The following RANBP2 variants were observed in gnomAD, a reference collection of about 807,000 sequenced individuals.
The protein encoded by RANBP2 is RAN binding protein 2.
Under a neutral mutation model 303.6 loss-of-function variants are expected in RANBP2, and 57 were observed. That is an observed-to-expected ratio of 0.19 (90% CI 0.15 to 0.23). The LOEUF is 0.23. Among genes scored for constraint, RANBP2 ranks in the 10% least tolerant of loss-of-function variants. RANBP2 has a pLI of 1.00. For synonymous variants in RANBP2, 1,167 were observed against 1,301.5 expected (o/e 0.90, Z 2.23); for missense variants, 3,138 against 3,780.8 (o/e 0.83, Z 4.46).
At chr2:109,483,935 C>T in the RANBP2 span, among the ~76,000 whole-genome samples, 1 of 152,130 alleles carries the variant, frequency 6.6e-6, no homozygotes, top group Non-Finnish European at 1.5e-5. Flanking sequence ...GCCTTCAAGC[C>T]CCCCACAACC....
At chr2:108,828,787 G>A in the RANBP2 span, among the ~76,000 whole-genome samples, 7 of 152,072 alleles carry the variant, frequency 4.6e-5, no homozygotes, top group Admixed American at 2.0e-4. Context: ...GACCAGCCTG[G>A]CCAACATAGT....
At chr2:109,448,734 A>G in the RANBP2 span, among the ~76,000 whole-genome samples, 2 of 152,242 alleles carry the variant, frequency 1.3e-5, no homozygotes, top group East Asian at 3.8e-4. Context: ...AATAAAGTAC[A>G]TAACAAATGT....
At chr2:109,030,430 A>G in the RANBP2 span, among the ~76,000 whole-genome samples, 2 of 152,252 alleles carry the variant, frequency 1.3e-5, no homozygotes, top group Non-Finnish European at 2.9e-5. Context: ...GAGGTGTGCC[A>G]TACCCTGCCA....
chr2:109,758,720 T>C, the RANBP2 span: 2 of 149,766 alleles, frequency 1.3e-5, no homozygotes, highest in African/African-American at 5.0e-5. Flanking sequence ...GTCACTACCC[T>C]ACCCCAAGCC....
chr2:109,535,029 T>G, the RANBP2 span, among the ~76,000 whole-genome samples: 1 of 152,034 alleles, frequency 6.6e-6, no homozygotes, highest in African/African-American at 2.4e-5. Flanking sequence ...AGTGATCGAG[T>G]TGACACTTCA....
chr2:109,494,892 C>T, the RANBP2 span, among the ~76,000 whole-genome samples: 2 of 152,194 alleles, frequency 1.3e-5, no homozygotes, highest in African/African-American at 4.8e-5. Context: ...AGAGGAAGGA[C>T]ATTCAAGTAG....
chr2:109,457,296 TCTCTAA>T, the RANBP2 span, among the ~76,000 whole-genome samples: 1 of 152,210 alleles, frequency 6.6e-6, no homozygotes, highest in Non-Finnish European at 1.5e-5. Context: ...CCCCGAGGCT[TCTCTAA>T]AAGATCAAAG....
chr2:109,148,433 C>G, the RANBP2 span, among the ~76,000 whole-genome samples: 1 of 152,136 alleles, frequency 6.6e-6, no homozygotes, highest in Non-Finnish European at 1.5e-5. Context: ...CCTTTTTGGA[C>G]AAATTGGTAA....
the RANBP2 span, among the ~76,000 whole-genome samples, chr2:108,924,679 G>T: frequency 6.6e-6 from 1 of 152,096 alleles, no homozygotes; most frequent in Non-Finnish European, 1.5e-5. Context: ...GACCATAATT[G>T]CCTGCCCTCC....
chr2:109,141,629 G>A, the RANBP2 span: 4 of 154,898 alleles, frequency 2.6e-5, no homozygotes, highest in African/African-American at 9.6e-5. Context: ...TTAGGGTGCA[G>A]ATCCCAGGAA....
chr2:109,630,752 A>G, the RANBP2 span, among the ~76,000 whole-genome samples: 10 of 152,206 alleles, frequency 6.6e-5, no homozygotes, highest in Non-Finnish European at 1.3e-4. Context: ...TGAGGGATGG[A>G]TAGTATGAGT....
chr2:109,544,248 T>C, the RANBP2 span: 35 of 1,612,646 alleles, frequency 2.2e-5, no homozygotes, highest in Middle Eastern at 1.7e-4. Context: ...AGCACACTTC[T>C]AGTTTTTTTT....
chr2:109,497,419 G>C, the RANBP2 span, among the ~76,000 whole-genome samples: 3 of 152,202 alleles, frequency 2.0e-5, no homozygotes, highest in East Asian at 3.8e-4. Flanking sequence ...CTCGCACACA[G>C]AGCTAATGGT....
the RANBP2 span, among the ~76,000 whole-genome samples, chr2:109,535,082 G>A: frequency 6.6e-6 from 1 of 152,290 alleles, no homozygotes; most frequent in South Asian, 2.1e-4. Flanking sequence ...CCCAGATGAG[G>A]AAGATGGAGG....
At chr2:108,919,019 C>T in the RANBP2 span, among the ~76,000 whole-genome samples, 37 of 152,134 alleles carry the variant, frequency 2.4e-4, no homozygotes, top group Admixed American at 2.0e-3. Flanking sequence ...TGCTGAGTCT[C>T]GGGCCCACTG....
At chr2:109,074,065 C>G in the RANBP2 span, among the ~76,000 whole-genome samples, 3 of 150,698 alleles carry the variant, frequency 2.0e-5, no homozygotes, top group African/African-American at 7.3e-5. Flanking sequence ...ACAAGACAAA[C>G]AGAAAACAGT....
the RANBP2 span, chr2:108,912,533 C>A: frequency 1.3e-6 from 1 of 771,694 alleles, no homozygotes; most frequent in Non-Finnish European, 2.2e-6. Flanking sequence ...CGGGGGGCAA[C>A]ATGTCATTCA....
At chr2:109,556,717 C>T in the RANBP2 span, among the ~76,000 whole-genome samples, 1 of 151,998 alleles carries the variant, frequency 6.6e-6, no homozygotes, top group East Asian at 1.9e-4. Flanking sequence ...TAGAAACCTC[C>T]CTACATTTCA....
the RANBP2 span, among the ~76,000 whole-genome samples, chr2:109,316,033 C>T: frequency 6.6e-6 from 1 of 152,132 alleles, no homozygotes; most frequent in Non-Finnish European, 1.5e-5. Flanking sequence ...ACCCAAATTG[C>T]AAAGATTCCC....
Sources: allele counts gnomAD v4.1 joint callset (sites outside exome capture counted in the v4.1 genomes callset), GRCh38; gene constraint gnomAD v4.1.1; transcripts MANE v1.5; gene names NCBI Gene and HGNC (gene_info 2026-07-23, HGNC 2026-07-21).